The following CDK7 variants were observed in gnomAD, a reference collection of about 807,000 sequenced individuals.
CDK7 encodes cyclin dependent kinase 7, also known as cyclin-dependent kinase 7.
Under a neutral mutation model 49.1 loss-of-function variants are expected in CDK7, and 25 were observed. That is an observed-to-expected ratio of 0.51 (90% CI 0.37 to 0.71). CDK7 has a LOEUF of 0.71. CDK7 is among the 30% of genes least tolerant of loss of function. The pLI, the probability that CDK7 is intolerant of heterozygous loss-of-function variation, is 0.00. For missense variants in CDK7, 316 were observed against 411.7 expected (o/e 0.77, Z 2.01); for synonymous variants, 107 against 140.0 (o/e 0.76, Z 1.67).
intron 8 of CDK7, among the ~76,000 whole-genome samples, chr5:69,268,799 T>C (rs1013242649): frequency 7.5e-6 from 1 of 133,472 alleles, no homozygotes; most frequent in Non-Finnish European, 1.6e-5. Flanking sequence ...CTTGAACTCC[T>C]GCACTCTAGC....
At chr5:69,258,193 TTA>T in intron 6 of CDK7, 40 bp downstream of exon 6, 1 of 860,432 alleles carries the variant, frequency 1.2e-6, no homozygotes, top group Admixed American at 2.8e-5. Flanking sequence ...TAGTCAAGTT[TTA>T]TATAGCCAAT....
At chr5:69,240,647 G>A (rs973694368) in intron 2 of CDK7, among the ~76,000 whole-genome samples, 2 of 152,026 alleles carry the variant, frequency 1.3e-5, no homozygotes, top group African/African-American at 4.8e-5. Flanking sequence ...TTCCTTTTTT[G>A]AGACGGAGTC....
At chr5:69,273,176 A>G in intron 10 of CDK7, 135 bp downstream of exon 10, 1 of 619,266 alleles carries the variant, frequency 1.6e-6, no homozygotes, top group Admixed American at 3.2e-5. Flanking sequence ...GAAATAACAA[A>G]CTTTGTATCT....
At chr5:69,250,147 C>G (rs1022794697) in intron 2 of CDK7, among the ~76,000 whole-genome samples, 1 of 152,220 alleles carries the variant, frequency 6.6e-6, no homozygotes, top group African/African-American at 2.4e-5. Context: ...TCACTGCCAT[C>G]TGTACATTGA....
chr5:69,250,773 T>G, intron 2 of CDK7: 1 of 456,658 alleles, frequency 2.2e-6, no homozygotes, highest in South Asian at 1.5e-5. Flanking sequence ...ACTACAGCTG[T>G]GAATGTGCTG....
At chr5:69,245,929 C>T (rs891289962) in intron 2 of CDK7, among the ~76,000 whole-genome samples, 1 of 152,060 alleles carries the variant, frequency 6.6e-6, no homozygotes, top group African/African-American at 2.4e-5. Flanking sequence ...TATTTATTTG[C>T]ATCTTCTCTC....
chr5:69,267,849 G>A (rs1441456555), intron 8 of CDK7, among the ~76,000 whole-genome samples: 1 of 152,140 alleles, frequency 6.6e-6, no homozygotes, highest in African/African-American at 2.4e-5. Flanking sequence ...AATTTGGCCT[G>A]CAAAGTGAGG....
chr5:69,246,376 C>A (rs183402744), intron 2 of CDK7, among the ~76,000 whole-genome samples: 1 of 152,076 alleles, frequency 6.6e-6, no homozygotes, highest in African/African-American at 2.4e-5. Flanking sequence ...ACCTCGTGAT[C>A]TGCCCGCCTC....
chr5:69,252,486 G>C, intron 3 of CDK7, 35 bp downstream of exon 3: 1 of 431,698 alleles, frequency 2.3e-6, no homozygotes, highest in Non-Finnish European at 3.9e-6. Context: ...GATAGGAAAA[G>C]TTTTCTCCTT....
intron 6 of CDK7, among the ~76,000 whole-genome samples, chr5:69,259,219 A>G (rs536701527): frequency 1.3e-5 from 2 of 152,326 alleles, no homozygotes; most frequent in Non-Finnish European, 2.9e-5. Flanking sequence ...TGTTTCTTGT[A>G]GCTCTAAAAT....
intron 6 of CDK7, among the ~76,000 whole-genome samples, chr5:69,258,572 C>T (rs943395876): frequency 2.6e-5 from 4 of 151,880 alleles, no homozygotes; most frequent in Admixed American, 2.0e-4. Context: ...TTAGTAGAGA[C>T]GGGGTTTCAC....
chr5:69,235,366 C>G (rs970753966), intron 1 of CDK7, 28 bp from the exon 2 acceptor site: 1 of 1,514,428 alleles, frequency 6.6e-7, no homozygotes, highest in Admixed American at 1.7e-5. Flanking sequence ...CTCCCATAAA[C>G]TTATGTTATT....
chr5:69,240,705 G>C (rs944104053), intron 2 of CDK7, among the ~76,000 whole-genome samples: 7 of 152,268 alleles, frequency 4.6e-5, no homozygotes, highest in African/African-American at 1.7e-4. Context: ...TCGGCTCACT[G>C]CAACCCCCGC....
At chr5:69,234,845 G>C, upstream of CDK7, 3 of 895,640 alleles carry the variant, frequency 3.3e-6, no homozygotes, top group South Asian at 4.8e-5. Flanking sequence ...CACCACGGAA[G>C]TGAGGCGGGG....
chr5:69,262,594 G>C (rs2150217176), intron 8 of CDK7, among the ~76,000 whole-genome samples: 1 of 151,602 alleles, frequency 6.6e-6, no homozygotes, highest in Non-Finnish European at 1.5e-5. Flanking sequence ...GCTTGAACCT[G>C]GGAGGCAGAG....
chr5:69,260,443 C>T (rs984480142), intron 7 of CDK7, among the ~76,000 whole-genome samples: 2 of 151,836 alleles, frequency 1.3e-5, no homozygotes, highest in African/African-American at 4.9e-5. Context: ...CCTTTTCAAA[C>T]AGAGTCTAAC....
intron 3 of CDK7, among the ~76,000 whole-genome samples, chr5:69,253,849 A>G (rs765776232): frequency 3.3e-4 from 51 of 152,296 alleles, no homozygotes; most frequent in Non-Finnish European, 5.9e-4. Context: ...CTGTAATCCC[A>G]GCACTTTGGG....
chr5:69,245,968 G>C (rs895291728), intron 2 of CDK7, among the ~76,000 whole-genome samples: 3 of 152,106 alleles, frequency 2.0e-5, no homozygotes, highest in African/African-American at 7.2e-5. Flanking sequence ...GGTTGGGTAA[G>C]TTTTTTAGTG....
chr5:69,259,334 G>A (rs937130099), intron 6 of CDK7, among the ~76,000 whole-genome samples: 3 of 152,106 alleles, frequency 2.0e-5, no homozygotes, highest in South Asian at 2.1e-4. Flanking sequence ...ATTTAGATAA[G>A]TAGCTAAGAA....
Sources: allele counts gnomAD v4.1 joint callset (sites outside exome capture counted in the v4.1 genomes callset), GRCh38; gene constraint gnomAD v4.1.1; transcripts MANE v1.5; gene names NCBI Gene and HGNC (gene_info 2026-07-23, HGNC 2026-07-21).